Variants in ITPR3 observed in about 807,000 individuals in gnomAD.
ITPR3 encodes the protein inositol 1,4,5-trisphosphate receptor type 3.
In ITPR3, 173 loss-of-function variants were observed where a neutral mutation model predicts 293.2. That is an observed-to-expected ratio of 0.59 (90% CI 0.52 to 0.67). ITPR3 has a LOEUF of 0.67. Among genes scored for constraint, ITPR3 ranks in the 30% least tolerant of loss-of-function variants. The probability of loss-of-function intolerance (pLI) is 0.00; values close to 1 mark genes in which losing one functional copy is unlikely to be tolerated. For synonymous variants in ITPR3, 1,295 were observed against 1,444.4 expected (o/e 0.90, Z 2.35); for missense variants, 2,796 against 3,592.1 (o/e 0.78, Z 5.66).
chr6:33,655,790 T>C lies in ITPR3; in HGVS notation c.185T>C (p.Met62Thr). The C allele has an allele frequency of 3.1e-6, 5 of 1,614,060 alleles. 1 individual carries two copies. In the South Asian group the frequency reaches 5.5e-5, roughly 18 times the overall value. ...FRDCLFKVCP[M>T]NRYSAQKQYW... ...GACTGCCTCTTCAAGGTGTGCCCCA[T>C]GAACCGCTACTCGGCCCAGAAGCAG... is the stretch of plus-strand genomic sequence containing the variant. The change falls in exon 3 of 58, where the codon ATG becomes ACG. Residue 62 changes from methionine (M) to threonine (T), a missense_variant. Around this residue, in one of 8 missense-constraint regions of ITPR3, gnomAD observed 53 missense variants for 45.7 expected, o/e 1.16. Transcript: ENST00000605930. The surrounding 1 kb of genome is among the most constrained non-coding windows in gnomAD (Gnocchi z 4.9).
intron 1 of ITPR3, among the ~76,000 whole-genome samples, chr6:33,626,220 C>T (rs1043279519): frequency 3.9e-5 from 6 of 152,232 alleles, no homozygotes; most frequent in African/African-American, 1.4e-4. Flanking sequence ...CAGGCATGAG[C>T]CGCCGTGCCT....
intron 28 of ITPR3, 136 bp from the exon 29 acceptor site, chr6:33,678,285 C>A: frequency 8.0e-7 from 1 of 1,244,206 alleles, no homozygotes. Context: ...CCTGGGGGCC[C>A]CACTTTCCCT....
intron 2 of ITPR3, among the ~76,000 whole-genome samples, chr6:33,651,128 T>A (rs1164367188): frequency 6.6e-6 from 1 of 150,998 alleles, no homozygotes; most frequent in East Asian, 1.9e-4. Flanking sequence ...ATACAAAAAA[T>A]TAGCCGGGCG....
chr6:33,695,278 G>A lies in ITPR3; in HGVS notation c.7947+193G>A, dbSNP rs2281918. The A allele has an allele frequency of 0.16, 100,160 of 632,062 alleles. 9,295 individuals carry two copies. The highest frequency in any genetic ancestry group is 0.2 in the Middle Eastern group (455 of 2,324). 39.2% of individuals were successfully genotyped at this position (632,062 alleles called of 1,614,324 possible). A position where few individuals can be genotyped will look rare whatever the true frequency, so the allele number is the denominator to read the frequency against. Reference sequence around the variant, plus strand: ...GGGTTGACAACCCCTGCCTTGGGCCGCTAAAGACAAGGCCAAGTGGAAACT... The same window carrying A: ...GGGTTGACAACCCCTGCCTTGGGCCACTAAAGACAAGGCCAAGTGGAAACT... On this transcript the variant is annotated intron_variant, in intron 57 of 57. Coordinates refer to ENST00000605930, the MANE Select transcript of ITPR3 (RefSeq NM_002224.4).
chr6:33,656,429 A>G (rs1369583493), intron 3 of ITPR3, among the ~76,000 whole-genome samples: 8 of 152,180 alleles, frequency 5.3e-5, no homozygotes, highest in Non-Finnish European at 1.2e-4. Context: ...GGGGAACCCA[A>G]TTTGGGAGCC....
chr6:33,627,760 T>C (rs1202294897), intron 1 of ITPR3, among the ~76,000 whole-genome samples: 3 of 152,192 alleles, frequency 2.0e-5, no homozygotes, highest in Admixed American at 2.0e-4. Context: ...ATTCATGTCA[T>C]GTGTGAGTGT....
intron 3 of ITPR3, among the ~76,000 whole-genome samples, chr6:33,656,898 A>G (rs1254918872): frequency 6.6e-6 from 1 of 152,142 alleles, no homozygotes; most frequent in East Asian, 1.9e-4. Flanking sequence ...GGCTGGAGAG[A>G]GGGAGCTGCA....
At chr6:33,693,465 A>G in intron 55 of ITPR3, 80 bp from the exon 56 acceptor site, 1 of 1,493,238 alleles carries the variant, frequency 6.7e-7, no homozygotes. Context: ...CAACCCCCGG[A>G]AGCTGGGTCC....
chr6:33,651,550 G>A (rs901522487), intron 2 of ITPR3, among the ~76,000 whole-genome samples: 1 of 152,158 alleles, frequency 6.6e-6, no homozygotes, highest in African/African-American at 2.4e-5. Flanking sequence ...CTCACCTTCT[G>A]TGGGCCTGGG....
chr6:33,671,314 C>T lies in ITPR3; in HGVS notation c.2728+8C>T, dbSNP rs765074636. ...CCTATGAGGACCCCGGTGGTGAGGC[C>T]TTTGCCCGGCTCGGGCCACCCTGGT... is the stretch of plus-strand genomic sequence containing the variant. On this transcript the variant is annotated splice_region_variant and intron_variant, in intron 21 of 57. Coordinates refer to ENST00000605930, the MANE Select transcript of ITPR3 (RefSeq NM_002224.4). 26 of 1,605,892 alleles carry T rather than the reference C, an allele frequency of 1.6e-5. No individual in the cohort carries two copies. The Admixed American group carries it at 4.4e-4, about 27-fold the overall frequency.
rs373163886 is a variant in ITPR3, at chr6:33,665,991, A to G, written c.1551+15A>G. On this transcript the variant is annotated intron_variant, in intron 14 of 57. Coordinates refer to ENST00000605930, the MANE Select transcript of ITPR3 (RefSeq NM_002224.4). ...TCCTCAAACAGGTGCGTGTGCACCC[A>G]TGAGGGGACGCAGAGGGGCCGGGTG... 2.1e-5 allele frequency: 34 copies of G among 1,586,790 alleles called. No individual in the cohort carries two copies. Among genetic ancestry groups the G allele is most frequent in the African/African-American group, 5.4e-5 (4 of 74,182 alleles).
chr6:33,622,367 C>G (rs902543368), intron 1 of ITPR3, among the ~76,000 whole-genome samples: 6 of 152,202 alleles, frequency 3.9e-5, no homozygotes, highest in African/African-American at 1.4e-4. Flanking sequence ...CCGCCACCTC[C>G]CAGGGTCTGG....
At position 33,663,560 on chromosome 6, in the gene ITPR3, A is replaced by G. The variant is rs1368207617; in HGVS notation, c.1005+10A>G. 6.2e-7 allele frequency: 1 copy of G among 1,604,374 alleles called. No homozygotes were observed. Among genetic ancestry groups the G allele is most frequent in the Non-Finnish European group, 8.5e-7 (1 of 1,175,166 alleles). On this transcript the variant is annotated intron_variant, in intron 10 of 57. Coordinates refer to ENST00000605930, the MANE Select transcript of ITPR3 (RefSeq NM_002224.4). The stretch of plus-strand genomic sequence containing the variant: ...CAAGGCAGCAGGAATGGTGAGGAGC[A>G]AAGCAGGTCTCCAGTGAGACCATGG...
intron 22 of ITPR3, among the ~76,000 whole-genome samples, chr6:33,673,247 T>G (rs1292230204): frequency 6.6e-6 from 1 of 152,142 alleles, no homozygotes; most frequent in Non-Finnish European, 1.5e-5. Context: ...TTTTTGGACC[T>G]GGGGGCTTCA....
chr6:33,626,908 CG>C (rs1408600131), intron 1 of ITPR3, among the ~76,000 whole-genome samples: 1 of 152,200 alleles, frequency 6.6e-6, no homozygotes, highest in African/African-American at 2.4e-5. Context: ...CAGGTTCAAG[CG>C]ATTCTCCTGC....
At chr6:33,622,723 C>T (rs114231766) in intron 1 of ITPR3, among the ~76,000 whole-genome samples, 147 of 152,284 alleles carry the variant, frequency 9.7e-4, no homozygotes, top group African/African-American at 3.3e-3. Flanking sequence ...CAACCTGGCA[C>T]CCTCAGCTCA....
At chr6:33,647,456 C>T (rs902964829) in intron 2 of ITPR3, among the ~76,000 whole-genome samples, 2 of 152,152 alleles carry the variant, frequency 1.3e-5, no homozygotes, top group Non-Finnish European at 2.9e-5. Flanking sequence ...ACCATCCATC[C>T]ACAGACCTTT....
At chr6:33,628,037 C>T (rs955338964) in intron 1 of ITPR3, among the ~76,000 whole-genome samples, 1 of 152,254 alleles carries the variant, frequency 6.6e-6, no homozygotes, top group Non-Finnish European at 1.5e-5. Flanking sequence ...ACATTCCTGA[C>T]CCCATATCCC....
Position 33,687,163 on chromosome 6 carries a change from T to C in ITPR3, c.6075+59T>C. On this transcript the variant is annotated intron_variant, in intron 44 of 57. Coordinates refer to ENST00000605930, the MANE Select transcript of ITPR3 (RefSeq NM_002224.4). The surrounding 1 kb of genome is among the most constrained non-coding windows in gnomAD (Gnocchi z 5.3). Reference sequence around the variant, plus strand: ...CAGGTGGAGTGTGTTGGGATGGGGATGAGGGCCCGGCTGGCCCTACCGCCC... The same window carrying C: ...CAGGTGGAGTGTGTTGGGATGGGGACGAGGGCCCGGCTGGCCCTACCGCCC... The C allele has an allele frequency of 1.3e-6, 2 of 1,596,476 alleles. No individual in the cohort carries two copies. Among genetic ancestry groups the C allele is most frequent in the Non-Finnish European group, 1.7e-6 (2 of 1,164,762 alleles).
Sources: allele counts gnomAD v4.1 joint callset (sites outside exome capture counted in the v4.1 genomes callset), GRCh38; gene constraint gnomAD v4.1.1; regional missense constraint gnomAD v4.1.1; non-coding constraint Gnocchi (gnomAD v3.1); transcripts MANE v1.5; gene names NCBI Gene and HGNC (gene_info 2026-07-23, HGNC 2026-07-21).